ERCC6L2: variants seen among roughly 807,000 people sequenced by gnomAD.
The protein encoded by ERCC6L2 is ERCC excision repair 6 like 2.
ERCC6L2 carries 77 observed loss-of-function variants against 132.0 expected under a neutral mutation model. The ratio of observed to expected loss-of-function variants is 0.58; its 90% confidence interval spans 0.49 to 0.71. ERCC6L2 has a LOEUF of 0.71. ERCC6L2 is among the 30% of genes least tolerant of loss of function. ERCC6L2 has a pLI of 0.00. For synonymous variants in ERCC6L2, 583 were observed against 632.4 expected (o/e 0.92, Z 1.17); for missense variants, 1,542 against 1,837.6 (o/e 0.84, Z 2.94).
At chr9:95,941,857 G>A (rs1387512228) in intron 12 of ERCC6L2, among the ~76,000 whole-genome samples, 5 of 152,144 alleles carry the variant, frequency 3.3e-5, no homozygotes, top group Admixed American at 3.3e-4. Context: ...ACTCCTGGAA[G>A]ATAGAAAGCA....
chr9:95,946,308 C>T (rs534754789), intron 12 of ERCC6L2, among the ~76,000 whole-genome samples: 1 of 152,254 alleles, frequency 6.6e-6, no homozygotes, highest in Non-Finnish European at 1.5e-5. Context: ...GTGGGCGGAT[C>T]ACGAGGTCAG....
chr9:96,039,631 T>C (rs1834556030), intron 20 of ERCC6L2, among the ~76,000 whole-genome samples: 1 of 151,878 alleles, frequency 6.6e-6, no homozygotes, highest in African/African-American at 2.4e-5. Context: ...GGACTAGAGA[T>C]TACAGGTGGT....
intron 11 of ERCC6L2, 113 bp from the exon 12 acceptor site, chr9:95,941,341 A>C: frequency 1.6e-6 from 1 of 643,970 alleles, no homozygotes; most frequent in Admixed American, 2.9e-5. Context: ...ACTTTGATGA[A>C]ATTAATGCAA....
chr9:95,989,745 CTTGGT>C (rs1413093058), intron 17 of ERCC6L2, among the ~76,000 whole-genome samples: 10 of 152,166 alleles, frequency 6.6e-5, no homozygotes, highest in African/African-American at 2.2e-4. Context: ...TTATTGGATG[CTTGGT>C]TTGGTATGTT....
chr9:95,922,353 A>G lies in ERCC6L2; in HGVS notation c.1348A>G (p.Thr450Ala), dbSNP rs1260541419. ...TVKTLYLSYL[T>A]VLQKVANHVA... ...GAAAACCTTGTATCTCAGTTACCTT[A>G]CAGTCCTTCAGAAGGTAGCTAACCA... is the stretch of plus-strand genomic sequence containing the variant. Residue 450 changes from threonine (T) to alanine (A), a missense_variant, in exon 8 of 19, where the codon ACA (threonine) becomes GCA (alanine). Physicochemically the swap from Thr to Ala is moderately conservative, Grantham distance 58 (BLOSUM62 0). Coordinates refer to ENST00000653738, the MANE Select transcript of ERCC6L2 (RefSeq NM_020207.7). The G allele has an allele frequency of 1.2e-6, 2 of 1,613,540 alleles. No individual in the cohort carries two copies. Among genetic ancestry groups the G allele is most frequent in the Non-Finnish European group, 1.7e-6 (2 of 1,179,588 alleles).
chr9:95,888,740 G>A (rs899325661), intron 2 of ERCC6L2, among the ~76,000 whole-genome samples: 6 of 152,214 alleles, frequency 3.9e-5, no homozygotes, highest in African/African-American at 9.6e-5. Context: ...ACTGGGTTCC[G>A]CCAGCAGAAA....
In ERCC6L2 at chr9:96,038,419, G is replaced by A. The variant is rs573407853; in HGVS notation, c.*1504-457G>A. 3.9e-5 allele frequency among the ~76,000 whole-genome samples: 6 copies of A among 152,366 alleles called. No individual in the cohort carries two copies. The South Asian group carries it at 1.0e-3, about 26-fold the overall frequency. On this transcript the variant is annotated intron_variant and NMD_transcript_variant, in intron 19 of 20. Coordinates refer to the ERCC6L2 transcript ENST00000670016. ...AGCACATTGCCGCTGAGCAGGGCAG[G>A]GAGTGGTGTCTGGGCACTGGGAGAG...
At chr9:95,929,315 A>G (rs1830237538) in intron 11 of ERCC6L2, among the ~76,000 whole-genome samples, 1 of 152,226 alleles carries the variant, frequency 6.6e-6, no homozygotes, top group South Asian at 2.1e-4. Context: ...CTCTGCAGTT[A>G]GAGTTTTTAT....
chr9:95,908,254 G>A (rs1027329641), intron 4 of ERCC6L2, among the ~76,000 whole-genome samples: 2 of 152,130 alleles, frequency 1.3e-5, no homozygotes, highest in Non-Finnish European at 2.9e-5. Context: ...CTTTGATTAA[G>A]TTTTAAAGAG....
At chr9:95,938,780 T>TA (rs1416769210) in intron 11 of ERCC6L2, among the ~76,000 whole-genome samples, 7 of 152,188 alleles carry the variant, frequency 4.6e-5, no homozygotes, top group East Asian at 1.9e-4. Flanking sequence ...CTGCCAATCT[T>TA]ACGATTTTAA....
intron 12 of ERCC6L2, among the ~76,000 whole-genome samples, chr9:95,954,429 T>C (rs183465903): frequency 3.0e-4 from 45 of 152,338 alleles, no homozygotes; most frequent in African/African-American, 9.6e-4. Flanking sequence ...TTCCTCTCCC[T>C]GTCCTTCCAC....
chr9:95,885,786 TC>T (rs1344217429), intron 2 of ERCC6L2, among the ~76,000 whole-genome samples: 2 of 152,060 alleles, frequency 1.3e-5, no homozygotes, highest in African/African-American at 4.8e-5. Context: ...GATTGTAAAT[TC>T]CGGGGTCTCA....
At chr9:96,030,648 G>A (rs937267934) in intron 19 of ERCC6L2, among the ~76,000 whole-genome samples, 1 of 146,910 alleles carries the variant, frequency 6.8e-6, no homozygotes, top group Non-Finnish European at 1.5e-5. Context: ...CTTGCAGTGA[G>A]CCGAGATTGC....
At position 96,016,588 on chromosome 9, in the gene ERCC6L2, AG is replaced by A. The variant is rs1234485303; in HGVS notation, c.*3387del. Among the ~76,000 whole-genome samples, 8 of 152,340 alleles carry A rather than the reference AG, an allele frequency of 5.3e-5. No homozygotes were observed. The highest frequency in any genetic ancestry group is 2.1e-4 in the South Asian group (1 of 4,824). ...TGGTGCAGCTGCCCCTAAGTATTCA[AG>A]GCAAAGAAGCCTTAGTTTGCAGAGA... On this transcript the variant is annotated 3_prime_UTR_variant, in exon 19 of 19. Coordinates refer to ENST00000653738, the MANE Select transcript of ERCC6L2 (RefSeq NM_020207.7).
chr9:95,988,518 G>T (rs760493265), intron 17 of ERCC6L2, among the ~76,000 whole-genome samples: 2 of 152,154 alleles, frequency 1.3e-5, no homozygotes, highest in Non-Finnish European at 2.9e-5. Context: ...TATTTCATTT[G>T]CTATGTAAGG....
At chr9:96,021,950 G>T (rs972989709), downstream of ERCC6L2, among the ~76,000 whole-genome samples, 3 of 151,986 alleles carry the variant, frequency 2.0e-5, no homozygotes, top group African/African-American at 7.3e-5. The surrounding 1 kb of genome is among the most constrained non-coding windows in gnomAD (Gnocchi z 4.7). Context: ...CCCCCACGCC[G>T]CTCCTCCAGG....
At position 96,017,892 on chromosome 9, in the gene ERCC6L2, A is replaced by G. The variant is rs999856134; in HGVS notation, c.*4689A>G. On this transcript the variant is annotated 3_prime_UTR_variant, in exon 19 of 19. Transcript: ENST00000653738. ...GATGAATAAGCAAAATATTACACAC[A>G]CAGGAATATTATTCAGCCTTGAAAG... 3.3e-5 allele frequency among the ~76,000 whole-genome samples: 5 copies of G among 152,236 alleles called. No homozygotes were observed. The highest frequency in any genetic ancestry group is 7.3e-5 in the Non-Finnish European group (5 of 68,052).
At chr9:96,039,024 C>T (rs555670403) in exon 20 of ERCC6L2, 1 of 433,344 alleles carries the variant, frequency 2.3e-6, no homozygotes, top group South Asian at 1.6e-5. Flanking sequence ...GAGACAGCTC[C>T]CCCAGCCCCA....
chr9:95,916,404 C>G lies in ERCC6L2; in HGVS notation c.1128C>G (p.Ile376Met), dbSNP rs1179297073. ...TTCTCAGGCGCACCAAGACTCTTAT[C>G]AAGGATCAGTTGCCTAAGAAGGAAG... ...GWFLRRTKTLIKDQLPKKEDR... is the reference protein window; with the variant it reads ...GWFLRRTKTLMKDQLPKKEDR... Residue 376 changes from isoleucine to methionine, a missense_variant, in exon 6 of 19, where the codon ATC becomes ATG. Transcript: ENST00000653738. 6.3e-7 allele frequency: 1 copy of G among 1,587,348 alleles called. No homozygotes were observed. Among genetic ancestry groups the G allele is most frequent in the African/African-American group, 1.4e-5 (1 of 73,204 alleles).
Sources: allele counts gnomAD v4.1 joint callset (sites outside exome capture counted in the v4.1 genomes callset), GRCh38; gene constraint gnomAD v4.1.1; non-coding constraint Gnocchi (gnomAD v3.1); transcripts MANE v1.5; gene names NCBI Gene and HGNC (gene_info 2026-07-23, HGNC 2026-07-21).